The following GOLPH3 variants were observed in gnomAD, a reference collection of about 807,000 sequenced individuals.
The protein encoded by GOLPH3 is golgi phosphoprotein 3.
GOLPH3 carries 14 observed loss-of-function variants against 28.5 expected under a neutral mutation model. That is an observed-to-expected ratio of 0.49 (90% CI 0.32 to 0.77). GOLPH3 has a LOEUF of 0.77. Ranked by LOEUF, GOLPH3 falls within the 30% of genes least tolerant of loss-of-function variation. GOLPH3 has a pLI of 0.03. For missense variants in GOLPH3, 350 were observed against 393.7 expected, an observed-to-expected ratio of 0.89 and a Z score of 0.94; for synonymous variants, 158 against 159.2, an observed-to-expected ratio of 0.99 and a Z score of 0.06.
intron 1 of GOLPH3, among the ~76,000 whole-genome samples, chr5:32,167,470 C>A (rs956045409): frequency 1.3e-5 from 2 of 152,138 alleles, no homozygotes; most frequent in African/African-American, 4.8e-5. Context: ...CCGCACCCAG[C>A]CTTCAAAATA....
chr5:32,171,571 C>A (rs1348020910), intron 1 of GOLPH3, among the ~76,000 whole-genome samples: 3 of 151,490 alleles, frequency 2.0e-5, no homozygotes, highest in Non-Finnish European at 4.4e-5. Context: ...AAAATGTTCA[C>A]TCAGGAATAT....
intron 1 of GOLPH3, 55 bp from the exon 2 acceptor site, chr5:32,143,935 G>A (rs1443527590): frequency 4.7e-6 from 6 of 1,279,246 alleles, no homozygotes; most frequent in African/African-American, 1.6e-5. Context: ...CTTGAATTCA[G>A]AGTAAAAAAC....
chr5:32,158,134 C>T lies in GOLPH3; in HGVS notation c.226-14254G>A, dbSNP rs60351887. Among the ~76,000 whole-genome samples the T allele has an allele frequency of 4.0e-3, 140 of 34,694 alleles. 3 individuals are homozygous for T. Among genetic ancestry groups the T allele is most frequent in the Admixed American group, 5.1e-3 (14 of 2,750 alleles). The allele number at this position is 34,694 out of a possible 152,430, so 22.8% of individuals were successfully genotyped here. Reference sequence around the variant, plus strand: ...AATAAATAAATAAATAAATAAAATACACACACACACACACACACACACACA... The same window carrying T: ...AATAAATAAATAAATAAATAAAATATACACACACACACACACACACACACA... On this transcript the variant is annotated intron_variant, in intron 1 of 3. Coordinates refer to ENST00000265070, the MANE Select transcript of GOLPH3 (RefSeq NM_022130.4).
At chr5:32,137,647 A>G (rs1465944607) in intron 2 of GOLPH3, among the ~76,000 whole-genome samples, 1 of 152,116 alleles carries the variant, frequency 6.6e-6, no homozygotes, top group Non-Finnish European at 1.5e-5. Flanking sequence ...CGACAAGAGC[A>G]AAAATCTGTT....
intron 3 of GOLPH3, among the ~76,000 whole-genome samples, chr5:32,132,020 G>A (rs1745835178): frequency 1.3e-5 from 2 of 152,150 alleles, no homozygotes; most frequent in African/African-American, 4.8e-5. Context: ...GCTGGGCGTG[G>A]TGGCACATGC....
intron 1 of GOLPH3, among the ~76,000 whole-genome samples, chr5:32,159,224 G>T (rs1380193746): frequency 6.6e-6 from 1 of 152,200 alleles, no homozygotes; most frequent in Non-Finnish European, 1.5e-5. Context: ...TCAGATTCTA[G>T]ATTTGGAATA....
At chr5:32,149,177 G>A (rs1256440078) in intron 1 of GOLPH3, among the ~76,000 whole-genome samples, 1 of 152,166 alleles carries the variant, frequency 6.6e-6, no homozygotes, top group Non-Finnish European at 1.5e-5. Flanking sequence ...GTAACAGAAA[G>A]GAAAACAGAA....
intron 2 of GOLPH3, among the ~76,000 whole-genome samples, chr5:32,135,935 G>A (rs544214932): frequency 6.6e-6 from 1 of 152,270 alleles, no homozygotes; most frequent in South Asian, 2.1e-4. Flanking sequence ...ATCCCAGGGG[G>A]AGGCTGAGGC....
intron 1 of GOLPH3, among the ~76,000 whole-genome samples, chr5:32,144,568 A>T (rs1746148505): frequency 6.6e-6 from 1 of 152,266 alleles, no homozygotes; most frequent in African/African-American, 2.4e-5. Flanking sequence ...CAGCCTGGGC[A>T]AAACAGTGCG....
At chr5:32,147,393 C>T (rs1036512287) in intron 1 of GOLPH3, among the ~76,000 whole-genome samples, 1 of 151,644 alleles carries the variant, frequency 6.6e-6, no homozygotes, top group Non-Finnish European at 1.5e-5. Context: ...GAGATTGCAC[C>T]ACTGCACTCT....
At chr5:32,160,860 G>A (rs1019035818) in intron 1 of GOLPH3, among the ~76,000 whole-genome samples, 1 of 152,138 alleles carries the variant, frequency 6.6e-6, no homozygotes, top group Admixed American at 6.5e-5. Flanking sequence ...GAGGTCAGGA[G>A]ATCGAGACCA....
rs1745646587 is a variant in GOLPH3 at position 32,125,087 on chromosome 5, A to C, written c.*1125T>G. The stretch of plus-strand genomic sequence containing the variant: ...TTAAAACATAGAGCTTTCTGTTACA[A>C]AATTCTTAATCCTCTGGGTTGTAAT... On this transcript the variant is annotated 3_prime_UTR_variant, in exon 4 of 4. Transcript: ENST00000265070. The C allele has an allele frequency of 6.6e-6, 1 of 152,648 alleles. No homozygotes were observed. The highest frequency in any genetic ancestry group is 2.1e-4 in the South Asian group (1 of 4,830). 9.5% of individuals were successfully genotyped at this position (152,648 alleles called of 1,614,324 possible).
At position 32,142,584 on chromosome 5, in the gene GOLPH3, T is replaced by G. The variant is rs377308407; in HGVS notation, c.357+1165A>C. Among the ~76,000 whole-genome samples, 13 of 100,612 alleles carry G rather than the reference T, an allele frequency of 1.3e-4. No homozygotes were observed. The East Asian group carries it at 3.6e-3, about 28-fold the overall frequency. The allele number at this position is 100,612 out of a possible 152,430, so 66.0% of individuals were successfully genotyped here. ...AGCCACTCTGCCCGGCCAGCCGCCCTGTCCGGGAGGGAGGTGGGGGGGTCA... is the reference window on the plus strand; with the variant it reads ...AGCCACTCTGCCCGGCCAGCCGCCCGGTCCGGGAGGGAGGTGGGGGGGTCA... On this transcript the variant is annotated intron_variant, in intron 2 of 3. Transcript: ENST00000265070.
intron 1 of GOLPH3, among the ~76,000 whole-genome samples, chr5:32,166,614 CCTGGCCAA>C (rs1301027917): frequency 6.6e-6 from 1 of 152,070 alleles, no homozygotes; most frequent in Non-Finnish European, 1.5e-5. Flanking sequence ...TCGAGACCAG[CCTGGCCAA>C]CATGGTGAAA....
intron 2 of GOLPH3, among the ~76,000 whole-genome samples, chr5:32,136,204 G>A (rs556995733): frequency 6.6e-6 from 1 of 152,218 alleles, no homozygotes; most frequent in South Asian, 2.1e-4. Context: ...TACTGGCCGG[G>A]CATGGTGGCT....
At chr5:32,153,841 G>GT (rs1392671385) in intron 1 of GOLPH3, among the ~76,000 whole-genome samples, 1 of 152,122 alleles carries the variant, frequency 6.6e-6, no homozygotes, top group Non-Finnish European at 1.5e-5. Context: ...TAACAACTCA[G>GT]TAACACTGAG....
chr5:32,139,797 A>G (rs1746016630), intron 2 of GOLPH3, among the ~76,000 whole-genome samples: 1 of 152,236 alleles, frequency 6.6e-6, no homozygotes, highest in South Asian at 2.1e-4. Flanking sequence ...AGAACTCTGA[A>G]GAAACAGATA....
At chr5:32,145,588 G>A (rs1746167715) in intron 1 of GOLPH3, among the ~76,000 whole-genome samples, 1 of 152,154 alleles carries the variant, frequency 6.6e-6, no homozygotes, top group African/African-American at 2.4e-5. Context: ...ACCTCATAAA[G>A]CAATAATGGA....
chr5:32,173,904 C>T lies in GOLPH3; in HGVS notation c.131G>A (p.Arg44His), dbSNP rs1171265719. The change falls in exon 1 of 4, where the codon CGC (arginine) becomes CAC (histidine). Residue 44 changes from arginine to histidine, a missense_variant. Physicochemically the swap from Arg to His is conservative, Grantham distance 29 (BLOSUM62 0). Transcript: ENST00000265070. The stretch of plus-strand genomic sequence containing the variant: ...CTTGTCGTCGTCGTCCTGCTCGTCG[C>T]GGCGGCTCTGCGCGTCGTCCTCGCT... ...GSSEDDAQSRRDEQDDDDKGD... is the reference protein window; with the variant it reads ...GSSEDDAQSRHDEQDDDDKGD... 1 of 1,514,658 alleles carries T rather than the reference C, an allele frequency of 6.6e-7. No individual in the cohort carries two copies. 93.8% of individuals were successfully genotyped at this position (1,514,658 alleles called of 1,614,324 possible).
Sources: allele counts gnomAD v4.1 joint callset (sites outside exome capture counted in the v4.1 genomes callset), GRCh38; gene constraint gnomAD v4.1.1; transcripts MANE v1.5; gene names NCBI Gene and HGNC (gene_info 2026-07-23, HGNC 2026-07-21).